The following RAB27A variants were observed in gnomAD, a reference collection of about 807,000 sequenced individuals.
RAB27A encodes the protein ras-related protein Rab-27A.
Under a neutral mutation model 20.8 loss-of-function variants are expected in RAB27A, and 17 were observed. The observed-to-expected ratio is 0.82, with a 90% confidence interval of 0.56 to 1.23. RAB27A has a LOEUF of 1.23. RAB27A is among the 50% of genes most tolerant of loss of function. The pLI, the probability that RAB27A is intolerant of heterozygous loss-of-function variation, is 0.00. For missense variants in RAB27A, 277 were observed against 266.7 expected (o/e 1.04, Z -0.27); for synonymous variants, 85 against 92.8 (o/e 0.92, Z 0.48).
At chr15:55,302,489 C>G (rs2054976647) in intron 2 of RAB27A, among the ~76,000 whole-genome samples, 1 of 152,088 alleles carries the variant, frequency 6.6e-6, no homozygotes, top group Admixed American at 6.5e-5. Context: ...CTCTGCCCGG[C>G]CGCCACCCCG....
At chr15:55,248,808 T>C (rs1391720596) in intron 2 of RAB27A, 2 of 152,192 alleles carry the variant, frequency 1.3e-5, no homozygotes, top group African/African-American at 4.8e-5. Context: ...TTGTTGTCAA[T>C]AAGCTGTAGA....
intron 1 of RAB27A, among the ~76,000 whole-genome samples, chr15:55,288,648 A>C (rs1898223225): frequency 6.6e-6 from 1 of 152,182 alleles, no homozygotes; most frequent in Non-Finnish European, 1.5e-5. Context: ...GAAAGGAAGG[A>C]AGAAAAAAGT....
chr15:55,208,695 A>C (rs768557753), intron 6 of RAB27A, among the ~76,000 whole-genome samples: 1 of 152,160 alleles, frequency 6.6e-6, no homozygotes, highest in Non-Finnish European at 1.5e-5. Flanking sequence ...TCATTGGTCA[A>C]AACTGTATCA....
chr15:55,224,596 C>T (rs564330189), intron 5 of RAB27A, among the ~76,000 whole-genome samples: 5 of 152,140 alleles, frequency 3.3e-5, no homozygotes, highest in Non-Finnish European at 5.9e-5. Flanking sequence ...GTCACCAGAG[C>T]CAAGTGGAAG....
At chr15:55,234,275 C>A (rs113003303) in intron 3 of RAB27A, among the ~76,000 whole-genome samples, 20 of 152,200 alleles carry the variant, frequency 1.3e-4, no homozygotes, top group Non-Finnish European at 2.6e-4. Flanking sequence ...CTTCAACATT[C>A]TGCAGAACAT....
At chr15:55,212,362 A>C (rs1895067432) in intron 6 of RAB27A, among the ~76,000 whole-genome samples, 1 of 152,102 alleles carries the variant, frequency 6.6e-6, no homozygotes, top group South Asian at 2.1e-4. Context: ...AAAATAAATA[A>C]ATCTTATGCA....
chr15:55,214,235 G>C (rs888190969), intron 6 of RAB27A, among the ~76,000 whole-genome samples: 11 of 152,200 alleles, frequency 7.2e-5, no homozygotes, highest in Admixed American at 4.6e-4. Context: ...GGGAGATCGA[G>C]ACCATCCTGG....
intron 2 of RAB27A, among the ~76,000 whole-genome samples, chr15:55,299,178 A>C (rs2054961393): frequency 6.6e-6 from 1 of 152,236 alleles, no homozygotes; most frequent in Admixed American, 6.5e-5. Flanking sequence ...GATTGCAGTA[A>C]AGACAGGCAC....
chr15:55,291,510 CAAAAAAAAAAAAAAAAAAAAA>C (rs530643102), upstream of RAB27A, among the ~76,000 whole-genome samples: 14 of 69,030 alleles, frequency 2.0e-4, no homozygotes, highest in East Asian at 1.2e-3. Context: ...GACTCTGTTT[CAAAAAAAAAAAAAAAAAAAAA>C]AAAAAAAAAA....
chr15:55,269,030 T>C (rs1258064824), intron 2 of RAB27A, among the ~76,000 whole-genome samples: 1 of 152,068 alleles, frequency 6.6e-6, no homozygotes, highest in East Asian at 1.9e-4. Flanking sequence ...AAGACAGCCA[T>C]CCACAGCTAA....
intron 2 of RAB27A, among the ~76,000 whole-genome samples, chr15:55,296,372 T>C (rs1246221101): frequency 2.0e-5 from 3 of 151,930 alleles, no homozygotes; most frequent in African/African-American, 7.2e-5. Flanking sequence ...GGCACATGCC[T>C]GTGGTCCCAG....
chr15:55,275,839 C>G (rs901198838), intron 1 of RAB27A, among the ~76,000 whole-genome samples: 2 of 146,092 alleles, frequency 1.4e-5, no homozygotes, highest in Non-Finnish European at 3.0e-5. Context: ...AAAAAGTGCT[C>G]GACATCACTA....
intron 2 of RAB27A, among the ~76,000 whole-genome samples, chr15:55,310,329 A>G (rs1025863193): frequency 6.6e-6 from 1 of 152,080 alleles, no homozygotes; most frequent in Non-Finnish European, 1.5e-5. Context: ...TCAATGGTCA[A>G]GCACACCTGG....
chr15:55,296,719 C>A (rs2054950973), intron 2 of RAB27A, among the ~76,000 whole-genome samples: 1 of 152,064 alleles, frequency 6.6e-6, no homozygotes, highest in South Asian at 2.1e-4. Context: ...AGCCTGGAGC[C>A]TCTGATGACA....
intron 2 of RAB27A, among the ~76,000 whole-genome samples, chr15:55,260,956 T>C (rs1262880137): frequency 6.6e-6 from 1 of 151,368 alleles, no homozygotes; most frequent in Non-Finnish European, 1.5e-5. Context: ...TCAATAGAGG[T>C]TCATCATGTG....
chr15:55,210,175 G>GTACACACATATGTATGTGTGTATACA (rs1566897136), intron 6 of RAB27A, among the ~76,000 whole-genome samples: 7 of 88,994 alleles, frequency 7.9e-5, no homozygotes, highest in Non-Finnish European at 1.5e-4. Flanking sequence ...ACATATATAC[G>GTACACACATATGTATGTGTGTATACA]TACACACATA....
At chr15:55,295,999 C>T (rs574310517) in intron 2 of RAB27A, among the ~76,000 whole-genome samples, 3 of 151,210 alleles carry the variant, frequency 2.0e-5, no homozygotes, top group East Asian at 2.0e-4. Context: ...CGGTTTCAAG[C>T]GATACTCCTG....
intron 2 of RAB27A, chr15:55,237,404 G>A (rs1329827937): frequency 1.3e-5 from 2 of 152,116 alleles, no homozygotes; most frequent in Non-Finnish European, 2.9e-5. Flanking sequence ...GCAACCTCAC[G>A]TTTCAGGTAT....
At chr15:55,278,510 TCTCA>T (rs1897931987) in intron 1 of RAB27A, among the ~76,000 whole-genome samples, 1 of 146,206 alleles carries the variant, frequency 6.8e-6, no homozygotes, top group Non-Finnish European at 1.5e-5. Flanking sequence ...TGAGAGGGAG[TCTCA>T]CTCTGCCACC....
Sources: gnomAD v4.1 joint callset for allele counts (sites outside exome capture counted in the v4.1 genomes callset) on GRCh38, gnomAD v4.1.1 for gene constraint, MANE v1.5 for transcripts, NCBI Gene and HGNC (gene_info 2026-07-23, HGNC 2026-07-21) for gene names.